The following NF1 variants were observed in gnomAD, a reference collection of about 807,000 sequenced individuals.
The protein encoded by NF1 is neurofibromin 1.
NF1 carries 122 observed loss-of-function variants against 325.7 expected under a neutral mutation model. That is an observed-to-expected ratio of 0.37 (90% confidence interval 0.32 to 0.44). The LOEUF is 0.44. Among genes scored for constraint, NF1 ranks in the 20% least tolerant of loss-of-function variants. The pLI, the probability that NF1 is intolerant of heterozygous loss-of-function variation, is 1.00. For missense variants in NF1, 2,140 were observed against 3,415.4 expected, an observed-to-expected ratio of 0.63 and a Z score of 9.31; for synonymous variants, 1,091 against 1,186.0, an observed-to-expected ratio of 0.92 and a Z score of 1.65.
Position 31,181,681 on chromosome 17 carries a change from T to C in NF1, c.655-29T>C, listed in dbSNP as rs182325576. The C allele has an allele frequency of 2.6e-3, 3,976 of 1,516,992 alleles. 7 individuals are homozygous for C. Among genetic ancestry groups the C allele is most frequent in the Non-Finnish European group, 2.7e-3 (2,980 of 1,091,604 alleles). The allele number at this position is 1,516,992 out of a possible 1,614,324, so 94.0% of individuals were successfully genotyped here. ...TATTTACTGTATTACAAAAAATCAC[T>C]GTAAAGACATGTGGTTCTTTATTTA... On this transcript the variant is annotated intron_variant, in intron 6 of 57. Coordinates refer to ENST00000358273, the MANE Select transcript of NF1 (RefSeq NM_001042492.3).
intron 57 of NF1, among the ~76,000 whole-genome samples, chr17:31,364,683 C>T (rs2070475282): frequency 1.3e-5 from 2 of 152,184 alleles, no homozygotes; most frequent in Non-Finnish European, 2.9e-5. Flanking sequence ...CTAAGGGGGA[C>T]TGTTTTACAA....
In NF1 at chr17:31,374,384, T is replaced by C. The variant is rs1258828826; in HGVS notation, c.*229T>C. 2 of 569,322 alleles carry C rather than the reference T, an allele frequency of 3.5e-6. No homozygotes were observed. The highest frequency in any genetic ancestry group is 6.2e-6 in the Non-Finnish European group (2 of 320,712). 35.3% of individuals were successfully genotyped at this position (569,322 alleles called of 1,614,324 possible). A position where few individuals can be genotyped will look rare whatever the true frequency, so the allele number is the denominator to read the frequency against. On this transcript the variant is annotated 3_prime_UTR_variant, in exon 58 of 58. Transcript: ENST00000358273. ...TTCTACTTTTGGCGTGTATCTGGTA[T>C]ATGTAAGTGTTCAGAACAACTGCAA...
At chr17:31,268,256 A>G (rs572977494) in intron 36 of NF1, among the ~76,000 whole-genome samples, 10 of 152,284 alleles carry the variant, frequency 6.6e-5, no homozygotes, top group Admixed American at 2.0e-4. Context: ...CTTTAATGTT[A>G]GGTTCTGGCC....
chr17:31,351,842 A>G (rs1051777598), intron 50 of NF1, among the ~76,000 whole-genome samples: 1 of 151,354 alleles, frequency 6.6e-6, no homozygotes, highest in African/African-American at 2.4e-5. Context: ...TTCTTAAAAC[A>G]TTAAGTGATT....
chr17:31,249,124 G>A lies in NF1; in HGVS notation c.4110+5G>A, dbSNP rs2151451713. The A allele has an allele frequency of 3.7e-6, 6 of 1,613,740 alleles. No homozygotes were observed. Among genetic ancestry groups the A allele is most frequent in the Non-Finnish European group, 4.2e-6 (5 of 1,179,702 alleles). On this transcript the variant is annotated splice_donor_5th_base_variant and intron_variant, in intron 30 of 57. Transcript: ENST00000358273. ...GTGTGCCACTGTTTATACCAGGTAT[G>A]CTTACAGTTAGAGATTACCATTATT...
At chr17:31,257,241 C>T (rs1384007065) in intron 31 of NF1, among the ~76,000 whole-genome samples, 5 of 152,102 alleles carry the variant, frequency 3.3e-5, no homozygotes. Flanking sequence ...AAGGTTTATC[C>T]TTGACATCAC....
chr17:31,357,514 G>T, intron 54 of NF1, 145 bp downstream of exon 54: 1 of 708,282 alleles, frequency 1.4e-6, no homozygotes, highest in East Asian at 2.7e-5. Context: ...TTTAATGAGG[G>T]TTAAGATTAG....
At chr17:31,157,750 GA>G (rs1332840527) in intron 2 of NF1, among the ~76,000 whole-genome samples, 2 of 149,042 alleles carry the variant, frequency 1.3e-5, no homozygotes, top group Non-Finnish European at 3.0e-5. Flanking sequence ...ACGAGGTCAG[GA>G]GATCAAGACC....
At chr17:31,193,837 A>T (rs1278467568) in intron 8 of NF1, among the ~76,000 whole-genome samples, 2 of 152,260 alleles carry the variant, frequency 1.3e-5, no homozygotes, top group East Asian at 3.8e-4. Context: ...CCACAGTGAG[A>T]TATCATCTCA....
In NF1 at chr17:31,230,901, A is replaced by G. The variant is rs1387858614; in HGVS notation, c.3173A>G (p.Asp1058Gly). The change falls in exon 24 of 58, where the codon GAT (aspartate) becomes GGT (glycine). Residue 1058 changes from aspartate to glycine, a missense_variant. Physicochemically the swap from Asp to Gly is moderately conservative, Grantham distance 94 (BLOSUM62 -1). Coordinates refer to ENST00000358273, the MANE Select transcript of NF1 (RefSeq NM_001042492.3). ...ATGGGAACATCAAACCAAGCAGCAG[A>G]TGATGATGTAAAATGTCTTACAAGG... ...WVMGTSNQAA[D>G]DDVKCLTRDL... 1 of 1,611,068 alleles carries G rather than the reference A, an allele frequency of 6.2e-7. No homozygotes were observed. The highest frequency in any genetic ancestry group is 8.5e-7 in the Non-Finnish European group (1 of 1,178,600).
chr17:31,341,670 TAGG>T (rs1018655177), intron 47 of NF1, among the ~76,000 whole-genome samples: 1 of 149,420 alleles, frequency 6.7e-6, no homozygotes, highest in Non-Finnish European at 1.5e-5. Flanking sequence ...TAATAAATGT[TAGG>T]AGGGGTGCTA....
intron 12 of NF1, 54 bp from the exon 13 acceptor site, chr17:31,214,397 A>G (rs2143957629): frequency 1.5e-6 from 2 of 1,373,674 alleles, no homozygotes; most frequent in South Asian, 1.3e-5. Flanking sequence ...AAAAGGTTGG[A>G]TAGCTATTAT....
intron 36 of NF1, chr17:31,305,062 C>G (rs2068675619): frequency 2.5e-6 from 4 of 1,613,912 alleles, no homozygotes; most frequent in Non-Finnish European, 3.4e-6. Context: ...TAAGATAAAT[C>G]CTGGTGTACT....
intron 8 of NF1, among the ~76,000 whole-genome samples, chr17:31,198,609 T>G (rs1210832733): frequency 4.0e-5 from 6 of 151,318 alleles, no homozygotes; most frequent in Admixed American, 2.0e-4. Context: ...CACCACTTTT[T>G]TTGTTGTTGT....
chr17:31,281,409 A>G (rs1352499177), intron 36 of NF1, among the ~76,000 whole-genome samples: 1 of 112,430 alleles, frequency 8.9e-6, no homozygotes, highest in Non-Finnish European at 1.6e-5. Context: ...TCTCCACTAT[A>G]ATGCTAGAAA....
chr17:31,269,371 T>C (rs1465530584), intron 36 of NF1, among the ~76,000 whole-genome samples: 1 of 152,208 alleles, frequency 6.6e-6, no homozygotes, highest in Non-Finnish European at 1.5e-5. Flanking sequence ...TACAAGGACA[T>C]TGTTGCAACA....
intron 33 of NF1, 36 bp downstream of exon 33, chr17:31,259,165 G>C (rs1317220280): frequency 1.7e-5 from 24 of 1,414,024 alleles, no homozygotes; most frequent in African/African-American, 2.8e-5. Context: ...TGCTCTGTTT[G>C]AATCAAATAT....
At chr17:31,305,042 T>A in intron 36 of NF1, 1 of 1,614,244 alleles carries the variant, frequency 6.2e-7, no homozygotes, top group Non-Finnish European at 8.5e-7. Flanking sequence ...TGTTTGTTAC[T>A]GGTAGTATCT....
intron 1 of NF1, among the ~76,000 whole-genome samples, chr17:31,121,099 A>G (rs558092619): frequency 1.8e-3 from 274 of 152,356 alleles, no homozygotes; most frequent in African/African-American, 6.0e-3. Flanking sequence ...TTTCTCTATA[A>G]TTCAGCCCTT....
Sources: allele counts gnomAD v4.1 joint callset (sites outside exome capture counted in the v4.1 genomes callset), GRCh38; gene constraint gnomAD v4.1.1; transcripts MANE v1.5; gene names NCBI Gene and HGNC (gene_info 2026-07-23, HGNC 2026-07-21).